Variants in ANKRD55 observed in about 807,000 individuals in gnomAD.
The protein encoded by ANKRD55 is ankyrin repeat domain-containing protein 55.
A neutral mutation model predicts 60.6 loss-of-function variants in ANKRD55; 41 were observed. That is an observed-to-expected ratio of 0.68 (90% confidence interval 0.53 to 0.88). The LOEUF is 0.88. ANKRD55 is among the 40% of genes least tolerant of loss of function. The pLI, the probability that ANKRD55 is intolerant of heterozygous loss-of-function variation, is 0.00. For synonymous variants in ANKRD55, 264 were observed against 290.3 expected (o/e 0.91, Z 0.92); for missense variants, 732 against 767.6 (o/e 0.95, Z 0.55).
At chr5:56,110,003 A>G (rs1756626444) in intron 10 of ANKRD55, among the ~76,000 whole-genome samples, 1 of 151,846 alleles carries the variant, frequency 6.6e-6, no homozygotes, top group Admixed American at 6.6e-5. Context: ...GTGAGCTGAG[A>G]TTGCACCACT....
At chr5:56,149,597 A>G (rs1028319605) in intron 6 of ANKRD55, among the ~76,000 whole-genome samples, 5 of 152,228 alleles carry the variant, frequency 3.3e-5, no homozygotes, top group Non-Finnish European at 4.4e-5. Context: ...CATAGCAGGG[A>G]TGAAGCCCAC....
At chr5:56,132,185 G>T (rs1010365203) in intron 7 of ANKRD55, among the ~76,000 whole-genome samples, 3 of 151,830 alleles carry the variant, frequency 2.0e-5, no homozygotes, top group Non-Finnish European at 4.4e-5. Context: ...TCGATTAGTT[G>T]TAAACATACT....
chr5:56,210,385 A>G (rs1185337417), intron 2 of ANKRD55, among the ~76,000 whole-genome samples: 1 of 151,536 alleles, frequency 6.6e-6, no homozygotes, highest in Non-Finnish European at 1.5e-5. Flanking sequence ...CCACGGTGAA[A>G]CCCCGTCTCT....
intron 8 of ANKRD55, among the ~76,000 whole-genome samples, chr5:56,122,533 C>A (rs1757098019): frequency 6.6e-6 from 1 of 151,642 alleles, no homozygotes; most frequent in South Asian, 2.1e-4. Flanking sequence ...GTGGCGCACA[C>A]CTGTAGTCCC....
At chr5:56,179,013 T>C (rs1381719797) in intron 3 of ANKRD55, among the ~76,000 whole-genome samples, 1 of 152,146 alleles carries the variant, frequency 6.6e-6, no homozygotes, top group Non-Finnish European at 1.5e-5. Flanking sequence ...TAGGTGCTTA[T>C]ACCTTATAAC....
At chr5:56,221,150 C>T (rs1759951273) in intron 2 of ANKRD55, among the ~76,000 whole-genome samples, 1 of 152,188 alleles carries the variant, frequency 6.6e-6, no homozygotes, top group African/African-American at 2.4e-5. Context: ...AAATCATTCC[C>T]TTTCCTTTCC....
At chr5:56,223,831 A>G (rs548511643) in intron 2 of ANKRD55, among the ~76,000 whole-genome samples, 80 of 152,380 alleles carry the variant, frequency 5.3e-4, no homozygotes, top group African/African-American at 1.8e-3. Context: ...ACCTAGATTC[A>G]TAAAGCAAGT....
At chr5:56,191,828 A>G (rs1232360584) in intron 2 of ANKRD55, among the ~76,000 whole-genome samples, 1 of 152,242 alleles carries the variant, frequency 6.6e-6, no homozygotes, top group African/African-American at 2.4e-5. Flanking sequence ...ATAGGAAATG[A>G]AGGAGCTTCC....
chr5:56,189,081 T>G (rs1249974591), intron 2 of ANKRD55, among the ~76,000 whole-genome samples: 1 of 152,130 alleles, frequency 6.6e-6, no homozygotes, highest in Non-Finnish European at 1.5e-5. Flanking sequence ...ATGAATGGAC[T>G]TTAATCATGT....
chr5:56,140,617 G>A (rs952881354), intron 7 of ANKRD55, among the ~76,000 whole-genome samples: 6 of 152,156 alleles, frequency 3.9e-5, no homozygotes, highest in African/African-American at 1.2e-4. Context: ...ATAAATGAAC[G>A]AGGCATTATG....
At chr5:56,204,755 G>C (rs1180724043) in intron 2 of ANKRD55, among the ~76,000 whole-genome samples, 3 of 152,184 alleles carry the variant, frequency 2.0e-5, no homozygotes, top group Non-Finnish European at 4.4e-5. Flanking sequence ...TTAATTTTAT[G>C]AAGGATTATG....
rs1480668894 is a variant in ANKRD55, at chr5:56,233,201, C to T, written c.-34+40G>A. 1.1e-5 allele frequency: 4 copies of T among 380,234 alleles called. No homozygotes were observed. In the South Asian group the frequency reaches 1.5e-4, roughly 14 times the overall value. 23.6% of individuals were successfully genotyped at this position (380,234 alleles called of 1,614,324 possible). A position where few individuals can be genotyped will look rare whatever the true frequency, so the allele number is the denominator to read the frequency against. ...CCCCAAATCAATAAACACAATTACT[C>T]AAACTCCAAAAAGATAGTAAAATTG... On this transcript the variant is annotated intron_variant, in intron 1 of 11. Coordinates refer to ENST00000341048, the MANE Select transcript of ANKRD55 (RefSeq NM_024669.3).
At chr5:56,193,045 GA>G in intron 2 of ANKRD55, 1 of 962,728 alleles carries the variant, frequency 1.0e-6, no homozygotes, top group Non-Finnish European at 1.5e-6. Context: ...ATTGGTTTTT[GA>G]AAGCAGATGA....
intron 2 of ANKRD55, among the ~76,000 whole-genome samples, chr5:56,209,246 C>T (rs932893124): frequency 1.3e-5 from 2 of 152,192 alleles, no homozygotes; most frequent in East Asian, 3.9e-4. Context: ...CATGAGCCAT[C>T]GCTGCTGACC....
chr5:56,174,975 G>A (rs1370943080), intron 4 of ANKRD55, among the ~76,000 whole-genome samples: 2 of 152,116 alleles, frequency 1.3e-5, no homozygotes, highest in Non-Finnish European at 2.9e-5. Context: ...TGACACTAAT[G>A]TGAATAAGTT....
In ANKRD55 at chr5:56,120,954, T is replaced by C. The variant is rs530411376; in HGVS notation, c.798-4172A>G. On this transcript the variant is annotated intron_variant, in intron 8 of 11. Transcript: ENST00000341048. ...ACAAGAGCATAAAGGACCACTGGAC[T>C]CAGGAGCAAAGGGGTCAAGAACCTT... is the stretch of plus-strand genomic sequence containing the variant. 9.5e-5 allele frequency among the ~76,000 whole-genome samples: 14 copies of C among 147,682 alleles called. No individual in the cohort carries two copies. In the East Asian group the frequency reaches 2.9e-3, roughly 30 times the overall value.
chr5:56,120,141 A>C (rs1158556173), intron 8 of ANKRD55, among the ~76,000 whole-genome samples: 2 of 151,190 alleles, frequency 1.3e-5, no homozygotes, highest in Non-Finnish European at 2.9e-5. Context: ...GGTTCAAGCT[A>C]TTCTCCTGCC....
chr5:56,111,891 T>C, intron 9 of ANKRD55, 109 bp from the exon 10 acceptor site: 1 of 1,090,310 alleles, frequency 9.2e-7, no homozygotes, highest in South Asian at 2.9e-5. Flanking sequence ...TTTTCTGAGA[T>C]CCTTCCTAGA....
chr5:56,212,115 G>C lies in ANKRD55; in HGVS notation c.58+20741C>G, dbSNP rs370793038. 5.0e-4 allele frequency among the ~76,000 whole-genome samples: 76 copies of C among 151,398 alleles called. No homozygotes were observed. The East Asian group carries it at 0.014, about 28-fold the overall frequency. On this transcript the variant is annotated intron_variant, in intron 2 of 11. Coordinates refer to ENST00000341048, the MANE Select transcript of ANKRD55 (RefSeq NM_024669.3). ...GCGTACCTATAGACCAATTCGGTTT[G>C]TGAATACAAAATTGTAAGTTTCAAA...
Sources: allele counts gnomAD v4.1 joint callset (sites outside exome capture counted in the v4.1 genomes callset), GRCh38; gene constraint gnomAD v4.1.1; transcripts MANE v1.5; gene names NCBI Gene and HGNC (gene_info 2026-07-23, HGNC 2026-07-21).